Variants in TK2 observed in about 807,000 individuals in gnomAD.
TK2 encodes thymidine kinase 2, mitochondrial.
A neutral mutation model predicts 41.9 loss-of-function variants in TK2; 35 were observed. That is an observed-to-expected ratio of 0.84 (90% CI 0.64 to 1.11). TK2 has a LOEUF of 1.11. Ranked by LOEUF, TK2 falls within the 50% of genes least tolerant of loss-of-function variation. The probability of loss-of-function intolerance (pLI) is 0.00; values close to 1 mark genes in which losing one functional copy is unlikely to be tolerated. For synonymous variants in TK2, 128 were observed against 129.1 expected (o/e 0.99, Z 0.06); for missense variants, 320 against 351.1 (o/e 0.91, Z 0.71).
At chr16:66,534,773 C>T (rs576275425) in intron 4 of TK2, among the ~76,000 whole-genome samples, 60 of 152,388 alleles carry the variant, frequency 3.9e-4, no homozygotes, top group African/African-American at 1.4e-3. Flanking sequence ...CTTCTAGAAG[C>T]AAAACACTTC....
chr16:66,529,837 C>T (rs545865326), intron 5 of TK2, among the ~76,000 whole-genome samples: 5 of 152,272 alleles, frequency 3.3e-5, no homozygotes, highest in African/African-American at 9.6e-5. Flanking sequence ...CCATCCTCTG[C>T]CCATCCATCT....
intron 3 of TK2, 31 bp downstream of exon 3, chr16:66,541,848 G>T: frequency 6.2e-7 from 1 of 1,610,714 alleles, no homozygotes; most frequent in Non-Finnish European, 8.5e-7. Context: ...AGCTTTCTCC[G>T]CTTCCTTCAA....
intron 6 of TK2, among the ~76,000 whole-genome samples, chr16:66,523,068 C>G (rs142270545): frequency 6.6e-6 from 1 of 152,274 alleles, no homozygotes; most frequent in African/African-American, 2.4e-5. Context: ...GCCCAAAGAG[C>G]AAGAACACCC....
In TK2 at chr16:66,514,548, A is replaced by T. The variant is rs1226203019; in HGVS notation, c.619-737T>A. The stretch of plus-strand genomic sequence containing the variant: ...CCTCTGCCCGGCTGCCACCCCGTCT[A>T]GGAAGTGAGGAGTGTCTCTGCCTGG... On this transcript the variant is annotated intron_variant, in intron 8 of 9. Transcript: ENST00000544898. This position sits in a 1 kb window ranked among gnomAD's most constrained non-coding sequence, Gnocchi z 4.2. Among the ~76,000 whole-genome samples the T allele has an allele frequency of 6.6e-6, 1 of 152,086 alleles. No homozygotes were observed. The highest frequency in any genetic ancestry group is 2.4e-5 in the African/African-American group (1 of 41,392).
Position 66,514,873 on chromosome 16 carries a change from C to A in TK2, c.619-1062G>T, listed in dbSNP as rs1294377240. ...GTTAGTCTATAACCTTACCCCCAAC[C>A]CCGTGCTCTCTGAAACGTGTGCTGT... On this transcript the variant is annotated intron_variant, in intron 8 of 9. Coordinates refer to ENST00000544898, the MANE Select transcript of TK2 (RefSeq NM_004614.5). This position sits in a 1 kb window ranked among gnomAD's most constrained non-coding sequence, Gnocchi z 4.2. Among the ~76,000 whole-genome samples, 2 of 152,108 alleles carry A rather than the reference C, an allele frequency of 1.3e-5. No individual in the cohort carries two copies. The highest frequency in any genetic ancestry group is 2.4e-5 in the African/African-American group (1 of 41,406).
intron 6 of TK2, among the ~76,000 whole-genome samples, chr16:66,522,844 A>G (rs1223803602): frequency 6.6e-6 from 1 of 152,148 alleles, no homozygotes; most frequent in African/African-American, 2.4e-5. Context: ...AGCCTGGGCA[A>G]TAACAGCAAA....
At chr16:66,529,312 T>G (rs1965036311) in intron 5 of TK2, among the ~76,000 whole-genome samples, 4 of 152,224 alleles carry the variant, frequency 2.6e-5, no homozygotes, top group Admixed American at 2.6e-4. Context: ...GCTGCATGCA[T>G]GGCCCAGCAA....
At chr16:66,515,373 A>G (rs1209196770) in intron 8 of TK2, among the ~76,000 whole-genome samples, 1 of 152,118 alleles carries the variant, frequency 6.6e-6, no homozygotes, top group Non-Finnish European at 1.5e-5. Flanking sequence ...TAGACCCTCC[A>G]GACTATAAAG....
chr16:66,532,680 G>A (rs1965153115), intron 4 of TK2, among the ~76,000 whole-genome samples: 1 of 150,422 alleles, frequency 6.6e-6, no homozygotes, highest in African/African-American at 2.4e-5. Flanking sequence ...AGAAGTGAAA[G>A]ATCTATACAA....
rs944535516 is a variant in TK2 at position 66,511,874 on chromosome 16, G to A, written c.*94C>T. On this transcript the variant is annotated 3_prime_UTR_variant, in exon 10 of 10. Transcript: ENST00000544898. ...GAAAATCAAGCTGGCCAGACACAAA[G>A]CCCTCCTGGGAGCAAGTTTTTCCAG... The A allele has an allele frequency of 6.5e-6, 7 of 1,074,044 alleles. No homozygotes were observed. The highest frequency in any genetic ancestry group is 8.6e-6 in the Non-Finnish European group (6 of 697,006). 66.5% of individuals were successfully genotyped at this position (1,074,044 alleles called of 1,614,324 possible).
At chr16:66,548,191 A>G (rs1015624794) in intron 2 of TK2, 13 of 383,364 alleles carry the variant, frequency 3.4e-5, no homozygotes, top group Non-Finnish European at 7.0e-5. Flanking sequence ...ACAAATCTCA[A>G]GCATTTCAAT....
At chr16:66,549,878 G>T in intron 1 of TK2, 60 bp downstream of exon 1, 1 of 1,292,914 alleles carries the variant, frequency 7.7e-7, no homozygotes, top group East Asian at 3.1e-5. Flanking sequence ...GGAAGCCGAG[G>T]GGCCGGGAGT....
chr16:66,517,960 C>T lies in TK2; in HGVS notation c.450-83G>A. ...TTCCCCCAAAAGGATCTTGAGACGG[C>T]TCTCAATGAAAGGAGTCACCAAGGG... On this transcript the variant is annotated intron_variant, in intron 6 of 9. Coordinates refer to ENST00000544898, the MANE Select transcript of TK2 (RefSeq NM_004614.5). This position sits in a 1 kb window ranked among gnomAD's most constrained non-coding sequence, Gnocchi z 4.3. The T allele has an allele frequency of 8.5e-7, 1 of 1,178,828 alleles. No homozygotes were observed. The highest frequency in any genetic ancestry group is 1.3e-6 in the Non-Finnish European group (1 of 784,194). The allele number at this position is 1,178,828 out of a possible 1,614,324, so 73.0% of individuals were successfully genotyped here.
chr16:66,522,941 C>T lies in TK2; in HGVS notation c.450-5064G>A, dbSNP rs375154540. Among the ~76,000 whole-genome samples the T allele has an allele frequency of 8.5e-5, 13 of 152,260 alleles. No homozygotes were observed. The East Asian group carries it at 1.7e-3, about 20-fold the overall frequency. ...CTTCCTCTCCAGCAATTAACACAGC[C>T]CTCTCGAATCCCTGGTGGCATAACT... On this transcript the variant is annotated intron_variant, in intron 6 of 9. Coordinates refer to ENST00000544898, the MANE Select transcript of TK2 (RefSeq NM_004614.5).
chr16:66,533,001 A>C (rs2144416989), intron 4 of TK2, among the ~76,000 whole-genome samples: 1 of 152,194 alleles, frequency 6.6e-6, no homozygotes, highest in Admixed American at 6.5e-5. Context: ...TAGCTGTACT[A>C]ATTTACATTC....
At chr16:66,523,812 G>A (rs1964851684) in intron 6 of TK2, among the ~76,000 whole-genome samples, 1 of 152,112 alleles carries the variant, frequency 6.6e-6, no homozygotes, top group African/African-American at 2.4e-5. Context: ...GAGCAACAGA[G>A]CAAGATTCTG....
Position 66,517,394 on chromosome 16 carries a change from C to T in TK2, c.539-179G>A, listed in dbSNP as rs972754449. ...TTTCATTCTCTTTCAGTGTCAGCGGCCCCGTGGGGTCGTTTTGAGGCTGAA... is the reference window on the plus strand; with the variant it reads ...TTTCATTCTCTTTCAGTGTCAGCGGTCCCGTGGGGTCGTTTTGAGGCTGAA... On this transcript the variant is annotated intron_variant, in intron 7 of 9. Transcript: ENST00000544898. This position sits in a 1 kb window ranked among gnomAD's most constrained non-coding sequence, Gnocchi z 4.3. The T allele has an allele frequency of 1.4e-6, 1 of 695,750 alleles. No individual in the cohort carries two copies. The allele number at this position is 695,750 out of a possible 1,614,324, so 43.1% of individuals were successfully genotyped here. A position where few individuals can be genotyped will look rare whatever the true frequency, so the allele number is the denominator to read the frequency against.
At chr16:66,536,812 T>C (rs1309707341) in intron 4 of TK2, 152 bp downstream of exon 4, 2 of 919,062 alleles carry the variant, frequency 2.2e-6, no homozygotes, top group East Asian at 4.9e-5. Flanking sequence ...AACACCAACA[T>C]GCCACCATTT....
intron 6 of TK2, among the ~76,000 whole-genome samples, chr16:66,526,850 A>C (rs2144391654): frequency 6.6e-6 from 1 of 152,366 alleles, no homozygotes; most frequent in South Asian, 2.1e-4. Flanking sequence ...CGAGGTTCAT[A>C]GGTAATCCCA....
Sources: gnomAD v4.1 joint callset for allele counts (sites outside exome capture counted in the v4.1 genomes callset) on GRCh38, gnomAD v4.1.1 for gene constraint, Gnocchi (gnomAD v3.1) non-coding constraint, MANE v1.5 for transcripts, NCBI Gene and HGNC (gene_info 2026-07-23, HGNC 2026-07-21) for gene names.